The following GPHN variants were observed in gnomAD, a reference collection of about 807,000 sequenced individuals.
The protein encoded by GPHN is gephyrin.
Under a neutral mutation model 95.5 loss-of-function variants are expected in GPHN, and 17 were observed. That is an observed-to-expected ratio of 0.18 (90% CI 0.12 to 0.27). The LOEUF (loss-of-function observed/expected upper bound fraction) is 0.27, where lower values mean the gene tolerates loss of function less well. GPHN is among the 10% of genes least tolerant of loss of function. The probability of loss-of-function intolerance (pLI) is 1.00; values close to 1 mark genes in which losing one functional copy is unlikely to be tolerated. For synonymous variants in GPHN, 320 were observed against 322.5 expected (o/e 0.99, Z 0.08); for missense variants, 660 against 978.1 (o/e 0.67, Z 4.34).
chr14:66,611,080 A>C (rs1031573469), intron 1 of GPHN, among the ~76,000 whole-genome samples: 1 of 152,176 alleles, frequency 6.6e-6, no homozygotes, highest in Non-Finnish European at 1.5e-5. Context: ...ATCAGTTATA[A>C]AGCCCTTCAC....
At chr14:67,153,488 C>G (rs992918205) in intron 18 of GPHN, among the ~76,000 whole-genome samples, 1 of 152,104 alleles carries the variant, frequency 6.6e-6, no homozygotes, top group Admixed American at 6.5e-5. Flanking sequence ...GGCACTAATT[C>G]TACTCATGAG....
At chr14:66,571,154 A>G (rs190584773) in intron 1 of GPHN, among the ~76,000 whole-genome samples, 80 of 152,288 alleles carry the variant, frequency 5.3e-4, no homozygotes, top group Admixed American at 5.2e-3. Context: ...AAACTTAACA[A>G]TCATGGCAGA....
intron 1 of GPHN, among the ~76,000 whole-genome samples, chr14:66,509,759 A>G (rs1052380079): frequency 7.2e-5 from 11 of 152,022 alleles, no homozygotes; most frequent in Non-Finnish European, 1.5e-4. Flanking sequence ...TCTTTTTTTA[A>G]TTTTTTCTTT....
At chr14:67,116,804 C>G (rs1428454982) in intron 16 of GPHN, among the ~76,000 whole-genome samples, 1 of 152,196 alleles carries the variant, frequency 6.6e-6, no homozygotes, top group Non-Finnish European at 1.5e-5. Flanking sequence ...CTTAAAGACT[C>G]CTTAAATTGT....
downstream of GPHN, among the ~76,000 whole-genome samples, chr14:67,182,306 T>C (rs141301318): frequency 3.7e-4 from 57 of 152,272 alleles, no homozygotes; most frequent in African/African-American, 1.3e-3. Context: ...GTATCCACAA[T>C]GGATCCTTTA....
At chr14:67,231,076 A>T in the GPHN span, among the ~76,000 whole-genome samples, 1 of 152,184 alleles carries the variant, frequency 6.6e-6, no homozygotes, top group Non-Finnish European at 1.5e-5. Context: ...GGTTTCAGGC[A>T]TCACGAGGGA....
the GPHN span, among the ~76,000 whole-genome samples, chr14:67,708,040 A>C: frequency 6.6e-5 from 10 of 152,232 alleles, no homozygotes; most frequent in Non-Finnish European, 7.3e-5. Context: ...ACAGATTCTT[A>C]CTGCACTTAC....
At chr14:66,793,180 G>A (rs1339417833) in intron 3 of GPHN, among the ~76,000 whole-genome samples, 1 of 152,174 alleles carries the variant, frequency 6.6e-6, no homozygotes, top group Non-Finnish European at 1.5e-5. Flanking sequence ...GATTTTGGGG[G>A]GCCTGTTCCC....
the GPHN span, chr14:67,693,121 C>A: frequency 1.0e-6 from 1 of 998,596 alleles, no homozygotes; most frequent in Non-Finnish European, 1.5e-6. Context: ...TCCTGCAACT[C>A]CCTGTGTCTT....
At chr14:66,722,465 A>G (rs1314625498) in intron 2 of GPHN, among the ~76,000 whole-genome samples, 2 of 152,190 alleles carry the variant, frequency 1.3e-5, no homozygotes, top group Non-Finnish European at 2.9e-5. Flanking sequence ...TTTAAGAGAC[A>G]AGGTCTCACT....
chr14:67,203,868 C>T, the GPHN span, among the ~76,000 whole-genome samples: 4 of 152,324 alleles, frequency 2.6e-5, no homozygotes, highest in African/African-American at 4.8e-5. Context: ...CACACCACCA[C>T]GCTCAGCTAA....
chr14:67,687,663 G>C, the GPHN span, among the ~76,000 whole-genome samples: 1 of 151,464 alleles, frequency 6.6e-6, no homozygotes. Flanking sequence ...TAGAGATGGG[G>C]TTTCTCCATG....
At chr14:67,103,550 GT>G (rs2077856580) in intron 13 of GPHN, among the ~76,000 whole-genome samples, 1 of 57,000 alleles carries the variant, frequency 1.8e-5, no homozygotes, top group Admixed American at 2.3e-4. Flanking sequence ...GGCCTCTTCA[GT>G]CTTTTTCATC....
chr14:67,049,746 C>G (rs1297721102), intron 10 of GPHN, among the ~76,000 whole-genome samples: 1 of 152,122 alleles, frequency 6.6e-6, no homozygotes, highest in Non-Finnish European at 1.5e-5. Context: ...CATTTGACCT[C>G]GTGATCCGCC....
chr14:67,148,497 A>T (rs959379213), intron 18 of GPHN, among the ~76,000 whole-genome samples: 1 of 151,352 alleles, frequency 6.6e-6, no homozygotes, highest in Admixed American at 6.6e-5. Flanking sequence ...GGTCCTTGAG[A>T]CCTTTTAAGA....
At chr14:67,655,323 T>A in the GPHN span, among the ~76,000 whole-genome samples, 3 of 152,082 alleles carry the variant, frequency 2.0e-5, no homozygotes, top group African/African-American at 7.2e-5. Context: ...CAAGACCCTG[T>A]CTCTAAAAAA....
intron 3 of GPHN, among the ~76,000 whole-genome samples, chr14:66,785,947 G>A (rs1387597463): frequency 6.6e-6 from 1 of 152,050 alleles, no homozygotes; most frequent in Non-Finnish European, 1.5e-5. Context: ...ATTAAGAGAA[G>A]AGGAAAGTTC....
At chr14:67,335,213 T>G in the GPHN span, 1 of 152,222 alleles carries the variant, frequency 6.6e-6, no homozygotes, top group Non-Finnish European at 1.5e-5. Context: ...CTTTTCTAAA[T>G]CCTAGTGATG....
At chr14:67,020,125 G>A (rs1489474455) in intron 9 of GPHN, among the ~76,000 whole-genome samples, 1 of 152,066 alleles carries the variant, frequency 6.6e-6, no homozygotes, top group East Asian at 1.9e-4. Context: ...TGAGATATTG[G>A]GCCATCTCTC....
Sources: allele counts gnomAD v4.1 joint callset (sites outside exome capture counted in the v4.1 genomes callset), GRCh38; gene constraint gnomAD v4.1.1; transcripts MANE v1.5; gene names NCBI Gene and HGNC (gene_info 2026-07-23, HGNC 2026-07-21).